Variants in MCTP1 observed in about 807,000 individuals in gnomAD.
MCTP1 encodes multiple C2 and transmembrane domain-containing protein 1.
A neutral mutation model predicts 120.6 loss-of-function variants in MCTP1; 69 were observed. The observed-to-expected ratio is 0.57, with a 90% CI of 0.47 to 0.70. The LOEUF (loss-of-function observed/expected upper bound fraction) is 0.70. Ranked by LOEUF, MCTP1 falls within the 30% of genes least tolerant of loss-of-function variation. The pLI is 0.00. For synonymous variants in MCTP1, 529 were observed against 493.1 expected, an observed-to-expected ratio of 1.07 and a Z score of -0.96; for missense variants, 1,203 against 1,248.8, an observed-to-expected ratio of 0.96 and a Z score of 0.55.
chr5:95,138,333 C>A (rs1335139983), intron 1 of MCTP1, among the ~76,000 whole-genome samples: 1 of 151,608 alleles, frequency 6.6e-6, no homozygotes, highest in Admixed American at 6.6e-5. Flanking sequence ...AAACAAGGCC[C>A]AGAGAGCTTA....
At chr5:94,872,804 G>A (rs1288152660) in intron 13 of MCTP1, among the ~76,000 whole-genome samples, 1 of 152,078 alleles carries the variant, frequency 6.6e-6, no homozygotes, top group African/African-American at 2.4e-5. Context: ...GTCTTCCTTG[G>A]TGTCAATGCA....
intron 17 of MCTP1, among the ~76,000 whole-genome samples, chr5:94,805,549 G>A (rs1409807351): frequency 6.6e-6 from 1 of 152,078 alleles, no homozygotes; most frequent in East Asian, 1.9e-4. Flanking sequence ...GAACTCTTGA[G>A]CCCAGGAGGT....
At chr5:94,761,703 C>T (rs1475618535) in intron 19 of MCTP1, among the ~76,000 whole-genome samples, 1 of 152,174 alleles carries the variant, frequency 6.6e-6, no homozygotes, top group African/African-American at 2.4e-5. Context: ...CACACAGTAT[C>T]TCCAATCCCA....
At chr5:94,795,476 A>G (rs1296681306) in intron 18 of MCTP1, among the ~76,000 whole-genome samples, 4 of 152,220 alleles carry the variant, frequency 2.6e-5, no homozygotes, top group Non-Finnish European at 5.9e-5. Context: ...ATGTCTCTCT[A>G]CAGTAACTGT....
intron 1 of MCTP1, among the ~76,000 whole-genome samples, chr5:95,247,364 C>T (rs913588243): frequency 6.6e-6 from 1 of 151,862 alleles, no homozygotes; most frequent in Non-Finnish European, 1.5e-5. Flanking sequence ...ATTGATTTTT[C>T]GAAGGGTTTT....
chr5:94,840,330 GCAGAGAGAGGAA>G (rs1295308910), intron 17 of MCTP1, among the ~76,000 whole-genome samples: 1 of 152,200 alleles, frequency 6.6e-6, no homozygotes, highest in Non-Finnish European at 1.5e-5. Context: ...ACTGAGATAT[GCAGAGAGAGGAA>G]CAGAGAGACG....
At chr5:94,827,686 T>C (rs1403503313) in intron 17 of MCTP1, among the ~76,000 whole-genome samples, 1 of 151,976 alleles carries the variant, frequency 6.6e-6, no homozygotes, top group African/African-American at 2.4e-5. Context: ...TTTTCTCTAA[T>C]CTTTTCTTCA....
At chr5:94,716,859 G>T (rs984623188) in intron 19 of MCTP1, among the ~76,000 whole-genome samples, 1 of 151,848 alleles carries the variant, frequency 6.6e-6, no homozygotes, top group Non-Finnish European at 1.5e-5. Context: ...TCTAAAGTTT[G>T]TTGGACAAAT....
chr5:95,058,691 G>A (rs1443309596), intron 1 of MCTP1, among the ~76,000 whole-genome samples: 1 of 145,104 alleles, frequency 6.9e-6, no homozygotes, highest in African/African-American at 2.7e-5. Flanking sequence ...TCCATGGAGG[G>A]AAAATTGTGA....
intron 1 of MCTP1, among the ~76,000 whole-genome samples, chr5:95,220,933 T>C (rs920327758): frequency 6.6e-6 from 1 of 152,218 alleles, no homozygotes; most frequent in African/African-American, 2.4e-5. Flanking sequence ...TCACAGATGG[T>C]ACTAAATTGA....
At position 95,079,587 on chromosome 5, in the gene MCTP1, G is replaced by A. The variant is rs114768435; in HGVS notation, c.721-62103C>T. ...GATTTGTATAGTTCTTGGAATCAAA[G>A]CAAACATGAACTTTATTACAAAGCA... On this transcript the variant is annotated intron_variant, in intron 1 of 22. Coordinates refer to ENST00000515393, the MANE Select transcript of MCTP1 (RefSeq NM_024717.7). 5.9e-3 allele frequency among the ~76,000 whole-genome samples: 894 copies of A among 152,152 alleles called. 4 individuals are homozygous for A. Among genetic ancestry groups the A allele is most frequent in the Non-Finnish European group, 8.5e-3 (579 of 67,958 alleles).
chr5:95,009,069 AG>A, intron 2 of MCTP1, among the ~76,000 whole-genome samples: 1 of 29,210 alleles, frequency 3.4e-5, no homozygotes, highest in South Asian at 1.1e-3. Flanking sequence ...AGAGAGAGAG[AG>A]AGAGAGAGAG....
chr5:95,207,222 T>C (rs191652130), intron 1 of MCTP1, among the ~76,000 whole-genome samples: 1 of 152,270 alleles, frequency 6.6e-6, no homozygotes, highest in East Asian at 1.9e-4. Flanking sequence ...ATCTGGCAAG[T>C]TCCCATCAAG....
At chr5:95,236,144 G>A (rs1355794726) in intron 1 of MCTP1, among the ~76,000 whole-genome samples, 1 of 152,106 alleles carries the variant, frequency 6.6e-6, no homozygotes, top group Non-Finnish European at 1.5e-5. Context: ...CAAAGCAGAG[G>A]AGGCCATGCC....
chr5:95,160,391 T>C (rs1257945198), intron 1 of MCTP1, among the ~76,000 whole-genome samples: 3 of 152,204 alleles, frequency 2.0e-5, no homozygotes, highest in African/African-American at 7.2e-5. Context: ...ACTCACTATA[T>C]TATGCATTTT....
At chr5:95,098,935 T>G (rs1756488515) in intron 1 of MCTP1, among the ~76,000 whole-genome samples, 2 of 152,126 alleles carry the variant, frequency 1.3e-5, no homozygotes, top group Non-Finnish European at 2.9e-5. Context: ...TATAGATTAA[T>G]GGAACAGAAC....
chr5:94,823,656 T>C (rs867071112), intron 17 of MCTP1, among the ~76,000 whole-genome samples: 6 of 152,346 alleles, frequency 3.9e-5, no homozygotes, highest in Middle Eastern at 3.4e-3. Context: ...TTTCACAATA[T>C]TGATTCTTCC....
intron 2 of MCTP1, among the ~76,000 whole-genome samples, chr5:94,973,443 C>T (rs1463412598): frequency 6.6e-6 from 1 of 152,156 alleles, no homozygotes; most frequent in Non-Finnish European, 1.5e-5. Context: ...ATTAGCATAA[C>T]AGAGTATTGG....
At chr5:94,801,858 T>C (rs1781306982) in intron 17 of MCTP1, among the ~76,000 whole-genome samples, 1 of 152,202 alleles carries the variant, frequency 6.6e-6, no homozygotes, top group Non-Finnish European at 1.5e-5. Flanking sequence ...ACATCACCAC[T>C]TGCTTCAAGC....
Sources: allele counts gnomAD v4.1 joint callset (sites outside exome capture counted in the v4.1 genomes callset), GRCh38; gene constraint gnomAD v4.1.1; transcripts MANE v1.5; gene names NCBI Gene and HGNC (gene_info 2026-07-23, HGNC 2026-07-21).